MARCHF7: variants seen among roughly 807,000 people sequenced by gnomAD.
MARCHF7 encodes membrane associated ring-CH-type finger 7, also known as E3 ubiquitin-protein ligase MARCHF7.
A neutral mutation model predicts 76.5 loss-of-function variants in MARCHF7; 20 were observed. The observed-to-expected ratio is 0.26, with a 90% CI of 0.18 to 0.38. MARCHF7 has a LOEUF of 0.38. Among genes scored for constraint, MARCHF7 ranks in the 10% least tolerant of loss-of-function variants. The probability of loss-of-function intolerance (pLI) is 1.00; values close to 1 mark genes in which losing one functional copy is unlikely to be tolerated. For synonymous variants in MARCHF7, 295 were observed against 293.0 expected, an observed-to-expected ratio of 1.01 and a Z score of -0.07; for missense variants, 797 against 812.9, an observed-to-expected ratio of 0.98 and a Z score of 0.24.
intron 1 of MARCHF7, among the ~76,000 whole-genome samples, chr2:159,714,268 G>T (rs886239024): frequency 1.3e-5 from 2 of 152,148 alleles, no homozygotes; most frequent in African/African-American, 4.8e-5. Context: ...TAGATAATTT[G>T]TAATTTGTTG....
intron 8 of MARCHF7, among the ~76,000 whole-genome samples, chr2:159,757,149 C>T (rs1015889181): frequency 1.3e-5 from 2 of 152,142 alleles, no homozygotes; most frequent in Non-Finnish European, 2.9e-5. Context: ...CCTGCCTCGG[C>T]AGCCTCCCAA....
At chr2:159,761,406 C>CTTTGTTTT (rs1707064690) in intron 9 of MARCHF7, among the ~76,000 whole-genome samples, 3 of 73,780 alleles carry the variant, frequency 4.1e-5, no homozygotes, top group African/African-American at 5.4e-5. Context: ...TGAATCATTT[C>CTTTGTTTT]TTTTTTTTTT....
chr2:159,728,333 G>A (rs189641690), intron 3 of MARCHF7, among the ~76,000 whole-genome samples: 2 of 152,212 alleles, frequency 1.3e-5, no homozygotes, highest in African/African-American at 4.8e-5. Context: ...TCCTATGAGT[G>A]GTAAATAAAA....
At chr2:159,750,550 A>T (rs1257106758) in intron 7 of MARCHF7, among the ~76,000 whole-genome samples, 2 of 152,034 alleles carry the variant, frequency 1.3e-5, no homozygotes, top group Non-Finnish European at 2.9e-5. Context: ...AAATAAAATA[A>T]CAGTTTAAAT....
rs147964563 is a variant in MARCHF7 at position 159,721,762 on chromosome 2, A to G, written c.-15+5996A>G. 2.9e-3 allele frequency among the ~76,000 whole-genome samples: 436 copies of G among 152,312 alleles called. No individual in the cohort carries two copies. In the Middle Eastern group the frequency reaches 0.044, roughly 15 times the overall value. ...AGGATAAAATTCTAGTGGATCTATC[A>G]TGACTGGGACTTCAGTGAGGCATAC... On this transcript the variant is annotated intron_variant, in intron 3 of 11. Coordinates refer to ENST00000409175, the MANE Select transcript of MARCHF7 (RefSeq NM_001282805.2).
At chr2:159,740,216 GTCTT>G (rs1347272815) in intron 4 of MARCHF7, among the ~76,000 whole-genome samples, 1 of 152,006 alleles carries the variant, frequency 6.6e-6, no homozygotes, top group Non-Finnish European at 1.5e-5. Flanking sequence ...GCCTCTAAAA[GTCTT>G]TCTATATAGT....
rs1394118468 is a variant in MARCHF7 at position 159,759,925 on chromosome 2, G to GGTCT, written c.1893+591_1893+594dup. Among the ~76,000 whole-genome samples, 3 of 151,144 alleles carry GGTCT rather than the reference G, an allele frequency of 2.0e-5. No homozygotes were observed. In the East Asian group the frequency reaches 5.8e-4, roughly 29 times the overall value. ...CAGCCTCAGCAACATAGCAAGACCC[G>GGTCT]GTCTCTACAAAACAGAAAACAAAAA... is the stretch of plus-strand genomic sequence containing the variant. On this transcript the variant is annotated intron_variant, in intron 9 of 11. Coordinates refer to ENST00000409175, the MANE Select transcript of MARCHF7 (RefSeq NM_001282805.2).
At chr2:159,749,249 A>G (rs1230635697) in intron 7 of MARCHF7, among the ~76,000 whole-genome samples, 1 of 152,122 alleles carries the variant, frequency 6.6e-6, no homozygotes, top group Non-Finnish European at 1.5e-5. Context: ...AAGTGCTGGG[A>G]TTACAGGCAT....
chr2:159,736,375 A>G (rs1219959799), intron 4 of MARCHF7, among the ~76,000 whole-genome samples: 1 of 152,138 alleles, frequency 6.6e-6, no homozygotes, highest in Non-Finnish European at 1.5e-5. Flanking sequence ...TAATGATGTT[A>G]TACATCTTTT....
At chr2:159,747,575 T>C (rs1275131840) in intron 6 of MARCHF7, among the ~76,000 whole-genome samples, 1 of 152,180 alleles carries the variant, frequency 6.6e-6, no homozygotes, top group Non-Finnish European at 1.5e-5. Context: ...AATACATTTC[T>C]TTTTTATATA....
chr2:159,728,974 C>A, intron 3 of MARCHF7, 35 bp from the exon 4 acceptor site: 1 of 1,373,452 alleles, frequency 7.3e-7, no homozygotes, highest in Non-Finnish European at 9.8e-7. Flanking sequence ...TTCATATTTT[C>A]CCAAAGGCAA....
intron 8 of MARCHF7, among the ~76,000 whole-genome samples, chr2:159,755,404 AAG>A (rs1292352305): frequency 1.3e-5 from 2 of 152,144 alleles, no homozygotes; most frequent in Non-Finnish European, 1.5e-5. Flanking sequence ...TTAGTTGGCA[AAG>A]AAGGGTAGAG....
rs1705097990 is a variant in MARCHF7, at chr2:159,747,884, A to G, written c.594A>G (p.Thr198=). 2 of 1,614,058 alleles carry G rather than the reference A, an allele frequency of 1.2e-6. No homozygotes were observed. Among genetic ancestry groups the G allele is most frequent in the African/African-American group, 2.7e-5 (2 of 74,946 alleles). The change falls in exon 7 of 12, where the codon ACA becomes ACG. Residue 198 remains threonine, a synonymous_variant. Coordinates refer to ENST00000409175, the MANE Select transcript of MARCHF7 (RefSeq NM_001282805.2). ...ENSMSTLQLN[T]SSTNHQLPSE... is the part of the protein sequence containing the mutation. The stretch of plus-strand genomic sequence containing the variant: ...CAATGAGCACTTTACAGTTGAATAC[A>G]TCATCCACAAACCACCAATTGCCTT...
At chr2:159,727,015 T>C (rs1284713050) in intron 3 of MARCHF7, among the ~76,000 whole-genome samples, 1 of 152,240 alleles carries the variant, frequency 6.6e-6, no homozygotes, top group Non-Finnish European at 1.5e-5. Flanking sequence ...GGTTTGTGTA[T>C]GTACACTATT....
intron 11 of MARCHF7, 86 bp downstream of exon 11, chr2:159,764,760 T>G: frequency 1.0e-6 from 1 of 989,028 alleles, no homozygotes; most frequent in Non-Finnish European, 1.5e-6. Context: ...TACTCTGTTC[T>G]GCCAAATTAG....
At chr2:159,757,247 A>G (rs1047195018) in intron 8 of MARCHF7, among the ~76,000 whole-genome samples, 1 of 152,184 alleles carries the variant, frequency 6.6e-6, no homozygotes, top group African/African-American at 2.4e-5. Context: ...GATATGGCCA[A>G]TTGAATGTAT....
In MARCHF7 at chr2:159,748,200, T is replaced by G. The variant is rs1248470061; in HGVS notation, c.910T>G (p.Leu304Val). The change falls in exon 7 of 12, where the codon TTG (leucine) becomes GTG (valine). Residue 304 changes from leucine (L) to valine (V), a missense_variant. By Grantham distance (32) the Leu-to-Val change is conservative (BLOSUM62 1). Transcript: ENST00000409175. ...FFSRRSSQDS[L>V]NTRSLNSENS... ...TTCACGAAGATCTAGTCAGGATTCC[T>G]TGAATACAAGATCATTGAATTCTGA... 6 of 1,614,036 alleles carry G rather than the reference T, an allele frequency of 3.7e-6. No individual in the cohort carries two copies. Among genetic ancestry groups the G allele is most frequent in the Non-Finnish European group, 5.1e-6 (6 of 1,179,998 alleles).
chr2:159,764,257 C>CGTGCGT (rs4027298), intron 10 of MARCHF7, among the ~76,000 whole-genome samples: 1 of 119,922 alleles, frequency 8.3e-6, no homozygotes, highest in African/African-American at 3.4e-5. Flanking sequence ...TGTGTGTGTG[C>CGTGCGT]GCGCGCCCAC....
chr2:159,729,687 G>T, intron 4 of MARCHF7, among the ~76,000 whole-genome samples: 1 of 148,270 alleles, frequency 6.7e-6, no homozygotes. Flanking sequence ...AAAAAAAAAT[G>T]CTTTCCAAAG....
Sources: gnomAD v4.1 joint callset for allele counts (sites outside exome capture counted in the v4.1 genomes callset) on GRCh38, gnomAD v4.1.1 for gene constraint, MANE v1.5 for transcripts, NCBI Gene and HGNC (gene_info 2026-07-23, HGNC 2026-07-21) for gene names.